The following OGFOD3 variants were observed in gnomAD, a reference collection of about 807,000 sequenced individuals.
OGFOD3 encodes 2-oxoglutarate and iron-dependent oxygenase domain-containing protein 3.
In OGFOD3, 35 loss-of-function variants were observed where a neutral mutation model predicts 39.8. That is an observed-to-expected ratio of 0.88 (90% CI 0.67 to 1.17). The LOEUF is 1.17. Among genes scored for constraint, OGFOD3 ranks in the 50% most tolerant of loss-of-function variants. OGFOD3 has a pLI of 0.00. For missense variants in OGFOD3, 438 were observed against 454.5 expected, an observed-to-expected ratio of 0.96 and a Z score of 0.33; for synonymous variants, 200 against 192.0, an observed-to-expected ratio of 1.04 and a Z score of -0.34.
At chr17:82,405,467 C>A in intron 5 of OGFOD3, 87 bp from the exon 6 acceptor site, 1 of 1,140,968 alleles carries the variant, frequency 8.8e-7, no homozygotes, top group Non-Finnish European at 1.3e-6. Context: ...CCTCAAGTCC[C>A]TGAAAATCAA....
intron 4 of OGFOD3, among the ~76,000 whole-genome samples, chr17:82,407,900 T>C (rs1168369751): frequency 1.3e-5 from 2 of 152,110 alleles, no homozygotes. Context: ...CCCAGCACTT[T>C]GGGGGGTCAA....
rs1317431808 is a variant in OGFOD3, at chr17:82,404,744, T to TTC, written c.545+579_545+580insGA. Among the ~76,000 whole-genome samples the TTC allele has an allele frequency of 1.4e-5, 2 of 147,860 alleles. No individual in the cohort carries two copies. Among genetic ancestry groups the TTC allele is most frequent in the Non-Finnish European group, 3.0e-5 (2 of 66,622 alleles). On this transcript the variant is annotated intron_variant, in intron 6 of 8. Transcript: ENST00000313056. The surrounding 1 kb of genome is among the most constrained non-coding windows in gnomAD (Gnocchi z 4.5). ...GCAGAATTTTTTCTTTTCTTTTCTTTTTTTTTTTTTTTTTTGAGATGAGGC... is the reference window on the plus strand; with the variant it reads ...GCAGAATTTTTTCTTTTCTTTTCTTTTCTTTTTTTTTTTTTTTGAGATGAGGC...
rs761987026 is a variant in OGFOD3, at chr17:82,415,605, G to A, written c.97C>T (p.Arg33Trp). 6.2e-6 allele frequency: 10 copies of A among 1,612,336 alleles called. No individual in the cohort carries two copies. Among genetic ancestry groups the A allele is most frequent in the African/African-American group, 1.3e-5 (1 of 74,902 alleles). Residue 33 changes from arginine to tryptophan, a missense_variant, in exon 2 of 9, where the codon CGG becomes TGG. Transcript: ENST00000313056. This position sits in a 1 kb window ranked among gnomAD's most constrained non-coding sequence, Gnocchi z 5.3. The part of the protein sequence containing the change: ...RSSTKKDRAP[R>W]EVQRLWQRPW... The stretch of plus-strand genomic sequence containing the variant: ...CTCTGCCACAGCCTCTGCACCTCCC[G>A]CGGGGCTCGGTCCTTCTTGGTGCTG...
At chr17:82,408,492 T>C (rs749980417) in intron 4 of OGFOD3, among the ~76,000 whole-genome samples, 2 of 152,186 alleles carry the variant, frequency 1.3e-5, no homozygotes, top group African/African-American at 4.8e-5. Context: ...GGTGGCTCCA[T>C]GATCCCTGCG....
In OGFOD3 at chr17:82,406,463, T is replaced by TGA. The variant is rs1319250452; in HGVS notation, c.442_443insTC (p.His148LeufsTer13). The stretch of plus-strand genomic sequence containing the variant: ...CTTCCCGACAGACAGGGCCCCTGAG[T>TGA]GCAAGTCCAGAATGGATGCCTGGAA... On this transcript the variant is annotated frameshift_variant, in exon 5 of 9. Coordinates refer to ENST00000313056, the MANE Select transcript of OGFOD3 (RefSeq NM_024648.3). LOFTEE classifies it high-confidence loss of function. This position sits in a 1 kb window ranked among gnomAD's most constrained non-coding sequence, Gnocchi z 5.2. 2 of 1,613,988 alleles carry TGA rather than the reference T, an allele frequency of 1.2e-6. No homozygotes were observed. The highest frequency in any genetic ancestry group is 2.7e-5 in the African/African-American group (2 of 74,912).
chr17:82,397,957 C>T (rs1263115449), intron 8 of OGFOD3, among the ~76,000 whole-genome samples: 2 of 152,146 alleles, frequency 1.3e-5, no homozygotes, highest in African/African-American at 4.8e-5. Flanking sequence ...AGGTGACACA[C>T]ACCAGGGCGT....
At chr17:82,396,041 T>G (rs1048619893) in intron 8 of OGFOD3, among the ~76,000 whole-genome samples, 1 of 147,556 alleles carries the variant, frequency 6.8e-6, no homozygotes, top group South Asian at 2.1e-4. Flanking sequence ...AAATCACAGG[T>G]AAACACATAG....
rs939501583 is a variant in OGFOD3 at position 82,389,950 on chromosome 17, G to C, written c.*2448C>G. The C allele has an allele frequency of 2.0e-5, 3 of 152,256 alleles. No individual in the cohort carries two copies. The South Asian group carries it at 6.2e-4, about 32-fold the overall frequency. The allele number at this position is 152,256 out of a possible 1,614,324, so 9.4% of individuals were successfully genotyped here. On this transcript the variant is annotated 3_prime_UTR_variant, in exon 9 of 9. Transcript: ENST00000313056. This position sits in a 1 kb window ranked among gnomAD's most constrained non-coding sequence, Gnocchi z 4.6. ...GCAGGAGAATGGTGGGAACCCAGGA[G>C]GTGGACCTTGCAGTGAGCCGAGATT...
chr17:82,401,803 C>CAAAAAAAAA lies in OGFOD3; in HGVS notation c.699+2125_699+2133dup, dbSNP rs79956747. ...TGGGTGGCAGAGCAAGACTCCATCT[C>CAAAAAAAAA]AAAAAAAAAAAAAAAAAAAACAAAG... On this transcript the variant is annotated intron_variant, in intron 7 of 8. Coordinates refer to ENST00000313056, the MANE Select transcript of OGFOD3 (RefSeq NM_024648.3). Among the ~76,000 whole-genome samples the CAAAAAAAAA allele has an allele frequency of 6.2e-4, 38 of 61,686 alleles. 1 individual carries two copies. The highest frequency in any genetic ancestry group is 2.9e-3 in the East Asian group (3 of 1,050). 40.5% of individuals were successfully genotyped at this position (61,686 alleles called of 152,430 possible). A position where few individuals can be genotyped will look rare whatever the true frequency, so the allele number is the denominator to read the frequency against.
intron 8 of OGFOD3, among the ~76,000 whole-genome samples, chr17:82,397,409 G>A (rs1160592199): frequency 7.8e-6 from 1 of 127,734 alleles, no homozygotes; most frequent in African/African-American, 2.9e-5. Flanking sequence ...AGCGGGGGGG[G>A]GGGGGTGAGG....
chr17:82,407,692 C>T (rs1410257241), intron 4 of OGFOD3, among the ~76,000 whole-genome samples: 1 of 152,208 alleles, frequency 6.6e-6, no homozygotes, highest in Non-Finnish European at 1.5e-5. Flanking sequence ...CTAGCTTGGG[C>T]CCGCTGAACA....
At chr17:82,412,905 C>A (rs1054354311) in intron 2 of OGFOD3, among the ~76,000 whole-genome samples, 2 of 152,162 alleles carry the variant, frequency 1.3e-5, no homozygotes, top group African/African-American at 4.8e-5. Flanking sequence ...GCATCCCTCC[C>A]GGGACCATGG....
At chr17:82,414,398 A>C (rs528370239) in intron 2 of OGFOD3, among the ~76,000 whole-genome samples, 3 of 152,180 alleles carry the variant, frequency 2.0e-5, no homozygotes, top group Non-Finnish European at 2.9e-5. Context: ...TGGGCCTCCC[A>C]AAGTGCTGGG....
In OGFOD3 at chr17:82,418,426, GC is replaced by G; in HGVS notation, c.59del (p.Arg20ProfsTer25). 6.8e-7 allele frequency: 1 copy of G among 1,478,818 alleles called. No individual in the cohort carries two copies. The highest frequency in any genetic ancestry group is 1.5e-5 in the African/African-American group (1 of 68,254). The allele number at this position is 1,478,818 out of a possible 1,614,324, so 91.6% of individuals were successfully genotyped here. A position where few individuals can be genotyped will look rare whatever the true frequency, so the allele number is the denominator to read the frequency against. On this transcript the variant is annotated frameshift_variant, in exon 1 of 9. Coordinates refer to ENST00000313056, the MANE Select transcript of OGFOD3 (RefSeq NM_024648.3). LOFTEE classifies it high-confidence loss of function. ...CTCACCGCTACCTGCTCCGGTTCCG[GC>G]GCTCGGCCGCTCCGTTGCCCTCGGG... ...KAPEGNGAAE[R>X]RNRSSTKKDR...
At chr17:82,405,156 CCACGCTGGGCCTGCCCCGGCCTTTGCT>C (rs1463332854) in intron 6 of OGFOD3, among the ~76,000 whole-genome samples, 141 bp downstream of exon 6, 1 of 152,252 alleles carries the variant, frequency 6.6e-6, no homozygotes, top group Non-Finnish European at 1.5e-5. Flanking sequence ...CGCATCCTGG[CCACGCTGGGCCTGCCCCGGCCTTTGCT>C]CCATGAGAAC....
chr17:82,396,459 CA>C (rs2052675643), intron 8 of OGFOD3: 1 of 151,626 alleles, frequency 6.6e-6, no homozygotes, highest in South Asian at 2.1e-4. Flanking sequence ...TGTATGACAT[CA>C]AATCACAGGT....
chr17:82,418,507 C>G lies in OGFOD3; in HGVS notation c.-22G>C, dbSNP rs1211562676. ...CCATCGGACCAGGCCGCCGCGGAGCCGGGCCGGACGCGGGCGCCAGGCCCG... is the reference window on the plus strand; with the variant it reads ...CCATCGGACCAGGCCGCCGCGGAGCGGGGCCGGACGCGGGCGCCAGGCCCG... On this transcript the variant is annotated 5_prime_UTR_variant, in exon 1 of 9. Transcript: ENST00000313056. The G allele has an allele frequency of 1.5e-6, 2 of 1,319,976 alleles. No individual in the cohort carries two copies. Among genetic ancestry groups the G allele is most frequent in the Non-Finnish European group, 1.9e-6 (2 of 1,034,174 alleles). The allele number at this position is 1,319,976 out of a possible 1,614,324, so 81.8% of individuals were successfully genotyped here.
At chr17:82,397,056 G>A (rs1027989148) in intron 8 of OGFOD3, among the ~76,000 whole-genome samples, 2 of 152,138 alleles carry the variant, frequency 1.3e-5, no homozygotes, top group African/African-American at 2.4e-5. Context: ...GGAAGTGGCC[G>A]GGCAGCTCAG....
In OGFOD3 at chr17:82,392,852, A is replaced by C. The variant is rs1049623595; in HGVS notation, c.824-318T>G. 3.0e-6 allele frequency: 1 copy of C among 336,524 alleles called. No homozygotes were observed. The highest frequency in any genetic ancestry group is 5.4e-6 in the Non-Finnish European group (1 of 184,050). 20.8% of individuals were successfully genotyped at this position (336,524 alleles called of 1,614,324 possible). On this transcript the variant is annotated intron_variant, in intron 8 of 8. Transcript: ENST00000313056. The surrounding 1 kb of genome is among the most constrained non-coding windows in gnomAD (Gnocchi z 4.2). Reference sequence around the variant, plus strand: ...ACACCCCAGGTCATCTGATCTCCCGAGCTCCGGGCATTTGATCTCCTCAGC... The same window carrying C: ...ACACCCCAGGTCATCTGATCTCCCGCGCTCCGGGCATTTGATCTCCTCAGC...
Sources: gnomAD v4.1 joint callset for allele counts (sites outside exome capture counted in the v4.1 genomes callset) on GRCh38, gnomAD v4.1.1 for gene constraint, Gnocchi (gnomAD v3.1) non-coding constraint, MANE v1.5 for transcripts, NCBI Gene and HGNC (gene_info 2026-07-23, HGNC 2026-07-21) for gene names.